Variants in NPAS3 observed in about 807,000 individuals in gnomAD.
NPAS3 encodes neuronal PAS domain protein 3, also known as neuronal PAS domain-containing protein 3.
A neutral mutation model predicts 73.1 loss-of-function variants in NPAS3; 14 were observed. The observed-to-expected ratio is 0.19, with a 90% confidence interval of 0.13 to 0.30. The LOEUF (loss-of-function observed/expected upper bound fraction) is 0.30. Among genes scored for constraint, NPAS3 ranks in the 10% least tolerant of loss-of-function variants. The pLI is 1.00. For missense variants in NPAS3, 1,096 were observed against 1,250.0 expected, an observed-to-expected ratio of 0.88 and a Z score of 1.86; for synonymous variants, 620 against 541.5, an observed-to-expected ratio of 1.14 and a Z score of -2.01.
intron 4 of NPAS3, among the ~76,000 whole-genome samples, chr14:33,521,509 G>T: frequency 1.9e-5 from 2 of 104,570 alleles, no homozygotes; most frequent in Admixed American, 1.2e-4. Flanking sequence ...GAGATGATCT[G>T]CTTTAAAAAA....
intron 2 of NPAS3, among the ~76,000 whole-genome samples, chr14:33,163,629 T>G (rs997122440): frequency 8.7e-5 from 13 of 149,842 alleles, no homozygotes; most frequent in Admixed American, 3.3e-4. Flanking sequence ...TGTTGTTTTT[T>G]TTTTTTTTTT....
intron 2 of NPAS3, among the ~76,000 whole-genome samples, chr14:33,150,280 C>G (rs2044399302): frequency 6.6e-6 from 1 of 152,160 alleles, no homozygotes; most frequent in Non-Finnish European, 1.5e-5. Context: ...TGAGCACCTG[C>G]TGAGGTTTAA....
chr14:33,151,471 G>A (rs2044442164), intron 2 of NPAS3, among the ~76,000 whole-genome samples: 1 of 152,192 alleles, frequency 6.6e-6, no homozygotes, highest in Non-Finnish European at 1.5e-5. Context: ...GTATAAAAGA[G>A]GGTGATGAGA....
At position 33,513,567 on chromosome 14, in the gene NPAS3, G is replaced by A. The variant is rs141577234; in HGVS notation, c.469-46554G>A. 2.7e-3 allele frequency among the ~76,000 whole-genome samples: 406 copies of A among 152,136 alleles called. 2 individuals carry two copies. Among genetic ancestry groups the A allele is most frequent in the African/African-American group, 8.0e-3 (331 of 41,548 alleles). ...AAAAATAGAGCTGCACCTTAGGGAG[G>A]TCAAGTAACTTGCCCAAGTTCACAC... On this transcript the variant is annotated intron_variant, in intron 4 of 11. Transcript: ENST00000356141.
At chr14:33,567,048 C>T (rs2055989247) in intron 5 of NPAS3, among the ~76,000 whole-genome samples, 1 of 152,166 alleles carries the variant, frequency 6.6e-6, no homozygotes, top group Non-Finnish European at 1.5e-5. Context: ...TAGAATTTTT[C>T]TGTTGATATG....
intron 1 of NPAS3, among the ~76,000 whole-genome samples, chr14:33,044,325 C>T (rs541179707): frequency 3.3e-5 from 5 of 152,258 alleles, no homozygotes; most frequent in African/African-American, 1.2e-4. Flanking sequence ...GTCTTCATTA[C>T]TGTGATACAT....
intron 4 of NPAS3, among the ~76,000 whole-genome samples, chr14:33,399,813 A>G (rs2047374948): frequency 6.6e-6 from 1 of 152,094 alleles, no homozygotes; most frequent in African/African-American, 2.4e-5. Flanking sequence ...CAATATGAGT[A>G]GTGTTTAAGA....
intron 2 of NPAS3, among the ~76,000 whole-genome samples, chr14:33,144,197 G>A (rs941519857): frequency 6.6e-6 from 1 of 152,086 alleles, no homozygotes; most frequent in Non-Finnish European, 1.5e-5. Flanking sequence ...ATTTTCTAAT[G>A]TGCTTGCCAA....
At chr14:33,262,839 A>G (rs1387750094) in intron 3 of NPAS3, among the ~76,000 whole-genome samples, 1 of 152,122 alleles carries the variant, frequency 6.6e-6, no homozygotes, top group Non-Finnish European at 1.5e-5. Flanking sequence ...ATGGTATCTC[A>G]TTGTGGTTTT....
Position 33,666,143 on chromosome 14 carries a change from A to G in NPAS3, c.559-10068A>G, listed in dbSNP as rs562940827. Among the ~76,000 whole-genome samples, 97 of 152,298 alleles carry G rather than the reference A, an allele frequency of 6.4e-4. 1 individual carries two copies. The highest frequency in any genetic ancestry group is 2.2e-3 in the African/African-American group (91 of 41,586). On this transcript the variant is annotated intron_variant, in intron 5 of 11. Transcript: ENST00000356141. ...GGTTAATGAACGCTGGCATGGATCT[A>G]TCTATCTCTTTAGGGCCTAAATCAA...
At chr14:32,967,058 T>G (rs535666838) in intron 1 of NPAS3, among the ~76,000 whole-genome samples, 4 of 152,106 alleles carry the variant, frequency 2.6e-5, no homozygotes, top group Non-Finnish European at 2.9e-5. Flanking sequence ...AAGATACAGT[T>G]GAACCTTGAA....
chr14:33,291,099 A>C (rs2042081418), intron 3 of NPAS3, among the ~76,000 whole-genome samples: 1 of 152,114 alleles, frequency 6.6e-6, no homozygotes, highest in South Asian at 2.1e-4. Context: ...TACCGATCTC[A>C]TTCCATTTTG....
chr14:33,623,793 C>T (rs754295817), intron 5 of NPAS3, among the ~76,000 whole-genome samples: 1 of 152,214 alleles, frequency 6.6e-6, no homozygotes, highest in Admixed American at 6.5e-5. Flanking sequence ...TCACTGGGCA[C>T]TGCCCTCTCT....
chr14:33,268,811 A>G (rs919865120), intron 3 of NPAS3, among the ~76,000 whole-genome samples: 1 of 152,192 alleles, frequency 6.6e-6, no homozygotes, highest in Non-Finnish European at 1.5e-5. Context: ...CTGAAGGACG[A>G]TGTTGATATT....
At chr14:33,673,245 GAGGTAAT>G (rs1340659755) in intron 5 of NPAS3, among the ~76,000 whole-genome samples, 1 of 152,220 alleles carries the variant, frequency 6.6e-6, no homozygotes, top group East Asian at 1.9e-4. Context: ...TACTACCTGA[GAGGTAAT>G]AGGTCAAGTG....
At chr14:33,417,661 C>T (rs1291746691) in intron 4 of NPAS3, among the ~76,000 whole-genome samples, 1 of 151,838 alleles carries the variant, frequency 6.6e-6, no homozygotes, top group African/African-American at 2.4e-5. Flanking sequence ...AAAGTCCCAC[C>T]AGGTCATTGA....
intron 1 of NPAS3, among the ~76,000 whole-genome samples, chr14:32,974,729 A>G (rs1030361373): frequency 1.6e-4 from 24 of 152,108 alleles, no homozygotes; most frequent in Admixed American, 1.6e-3. Flanking sequence ...AGGTCCAGCC[A>G]CTTTCTTACT....
intron 4 of NPAS3, among the ~76,000 whole-genome samples, chr14:33,424,573 G>T (rs2048479916): frequency 3.9e-5 from 6 of 151,920 alleles, no homozygotes; most frequent in Admixed American, 3.9e-4. Flanking sequence ...GAGAAGGAAT[G>T]AACTTAGGAA....
intron 2 of NPAS3, among the ~76,000 whole-genome samples, chr14:33,143,027 C>T (rs2044110542): frequency 6.6e-6 from 1 of 152,152 alleles, no homozygotes; most frequent in African/African-American, 2.4e-5. Context: ...ATGACTTGAA[C>T]CCGGGAGGAG....
Sources: allele counts gnomAD v4.1 joint callset (sites outside exome capture counted in the v4.1 genomes callset), GRCh38; gene constraint gnomAD v4.1.1; transcripts MANE v1.5; gene names NCBI Gene and HGNC (gene_info 2026-07-23, HGNC 2026-07-21).